Variants in DACH1 observed in about 807,000 individuals in gnomAD.
DACH1 encodes the protein dachshund homolog 1.
A neutral mutation model predicts 54.2 loss-of-function variants in DACH1; 12 were observed. The observed-to-expected ratio is 0.22, with a 90% CI of 0.14 to 0.36. The LOEUF is 0.36. DACH1 is among the 10% of genes least tolerant of loss of function. The pLI is 1.00. For missense variants in DACH1, 805 were observed against 929.8 expected, an observed-to-expected ratio of 0.87 and a Z score of 1.75; for synonymous variants, 386 against 366.2, an observed-to-expected ratio of 1.05 and a Z score of -0.62.
At chr13:71,717,257 G>C (rs1883016206) in intron 1 of DACH1, among the ~76,000 whole-genome samples, 2 of 152,020 alleles carry the variant, frequency 1.3e-5, no homozygotes, top group South Asian at 4.1e-4. Context: ...AGAATATTAA[G>C]TCATCATTGC....
intron 6 of DACH1, among the ~76,000 whole-genome samples, chr13:71,556,618 T>C (rs1454695889): frequency 2.6e-5 from 4 of 152,136 alleles, no homozygotes; most frequent in African/African-American, 9.7e-5. Context: ...TGTTTCCTTA[T>C]TGGTCTGTAA....
chr13:71,866,521 TCCGCTGCCGCCGCCG>T lies in DACH1; in HGVS notation c.234_248del (p.Ser82_Gly86del). ...CGTTGCCGCTGCTGCCGCCGCCGCC[TCCGCTGCCGCCGCCG>T]CCGCCGCCGCCGCCGGTAGAGGTGA... On this transcript the variant is annotated inframe_deletion, in exon 1 of 11. Transcript: ENST00000613252. The T allele has an allele frequency of 9.3e-7, 1 of 1,076,490 alleles. No individual in the cohort carries two copies. Among genetic ancestry groups the T allele is most frequent in the South Asian group, 4.5e-5 (1 of 22,080 alleles). The allele number at this position is 1,076,490 out of a possible 1,614,324, so 66.7% of individuals were successfully genotyped here.
At chr13:71,695,518 G>C in intron 1 of DACH1, among the ~76,000 whole-genome samples, 1 of 152,206 alleles carries the variant, frequency 6.6e-6, no homozygotes. Context: ...CTTCAAGCGT[G>C]AGTATTATTT....
intron 1 of DACH1, among the ~76,000 whole-genome samples, chr13:71,781,681 G>T (rs1016915783): frequency 6.6e-6 from 1 of 151,830 alleles, no homozygotes; most frequent in Non-Finnish European, 1.5e-5. Context: ...CCTGGCCAAG[G>T]TCCAGATCTT....
chr13:71,509,368 A>T (rs1402848938), intron 6 of DACH1, among the ~76,000 whole-genome samples: 4 of 152,152 alleles, frequency 2.6e-5, no homozygotes, highest in Admixed American at 2.6e-4. Context: ...AACTCATAAC[A>T]ATATGAAGAA....
rs527403528 is a variant in DACH1 at position 71,695,230 on chromosome 13, C to G, written c.849-13320G>C. On this transcript the variant is annotated intron_variant, in intron 1 of 10. Coordinates refer to ENST00000613252, the MANE Select transcript of DACH1 (RefSeq NM_080759.6). ...GTCTTGGTCAAACTTCCCTTACAGTCCAGGACCTTAGATCTGATGACTCAC... is the reference window on the plus strand; with the variant it reads ...GTCTTGGTCAAACTTCCCTTACAGTGCAGGACCTTAGATCTGATGACTCAC... Among the ~76,000 whole-genome samples the G allele has an allele frequency of 1.1e-4, 17 of 152,216 alleles. No individual in the cohort carries two copies. The South Asian group carries it at 1.2e-3, about 11-fold the overall frequency.
intron 6 of DACH1, among the ~76,000 whole-genome samples, chr13:71,545,441 T>C (rs987932387): frequency 1.3e-5 from 2 of 152,018 alleles, no homozygotes; most frequent in Admixed American, 6.6e-5. Flanking sequence ...ATATACTTAT[T>C]TTCATGCTTC....
At chr13:71,556,927 T>A (rs1414302980) in intron 6 of DACH1, 97 bp downstream of exon 6, 1 of 1,255,224 alleles carries the variant, frequency 8.0e-7, no homozygotes. Context: ...ATGCTTTTTT[T>A]TTACATGATG....
chr13:71,510,916 T>A (rs1593810996), intron 6 of DACH1, among the ~76,000 whole-genome samples: 1 of 152,016 alleles, frequency 6.6e-6, no homozygotes, highest in East Asian at 1.9e-4. Context: ...AGAATTATTA[T>A]CTCCTTTTCA....
chr13:71,760,629 G>A (rs1238687922), intron 1 of DACH1, among the ~76,000 whole-genome samples: 1 of 152,184 alleles, frequency 6.6e-6, no homozygotes. Flanking sequence ...AAAGGACACA[G>A]CCTTGTCTAC....
chr13:71,618,628 GT>G (rs200023662), intron 3 of DACH1, among the ~76,000 whole-genome samples: 39 of 150,666 alleles, frequency 2.6e-4, no homozygotes, highest in African/African-American at 7.0e-4. Context: ...CAGAATTAGG[GT>G]TTTTTTTTAA....
At chr13:71,791,426 G>A (rs973056168) in intron 1 of DACH1, among the ~76,000 whole-genome samples, 1 of 152,112 alleles carries the variant, frequency 6.6e-6, no homozygotes, top group Non-Finnish European at 1.5e-5. Flanking sequence ...CAAGTGGCAG[G>A]CGGGAGTGCA....
intron 1 of DACH1, among the ~76,000 whole-genome samples, chr13:71,763,194 A>G (rs1885476671): frequency 6.6e-6 from 1 of 152,202 alleles, no homozygotes; most frequent in Non-Finnish European, 1.5e-5. Flanking sequence ...TAAGTATTAT[A>G]TGTTTATATT....
chr13:71,506,286 C>T (rs1317724206), intron 6 of DACH1, among the ~76,000 whole-genome samples: 2 of 117,298 alleles, frequency 1.7e-5, no homozygotes, highest in African/African-American at 6.4e-5. Context: ...TCCCTCCCCC[C>T]TCCCCCCGCC....
chr13:71,661,055 G>T (rs1038892603), intron 2 of DACH1, among the ~76,000 whole-genome samples: 1 of 149,558 alleles, frequency 6.7e-6, no homozygotes, highest in Non-Finnish European at 1.5e-5. Flanking sequence ...CTAGACAGGG[G>T]AAAAGCAAAA....
intron 10 of DACH1, among the ~76,000 whole-genome samples, chr13:71,461,154 A>G (rs1205253954): frequency 6.6e-6 from 1 of 152,108 alleles, no homozygotes; most frequent in Admixed American, 6.6e-5. Flanking sequence ...TAGAATTTAC[A>G]TAATAAAAAT....
At position 71,671,294 on chromosome 13, in the gene DACH1, A is replaced by G. The variant is rs2138676527; in HGVS notation, c.964+10501T>C. On this transcript the variant is annotated intron_variant, in intron 2 of 10. Transcript: ENST00000613252. Reference sequence around the variant, plus strand: ...ATATGTAAAAATCTCTTTCAATTGGAAAAAAAAAAGTATCCGTTAGCTTTA... The same window carrying G: ...ATATGTAAAAATCTCTTTCAATTGGGAAAAAAAAAGTATCCGTTAGCTTTA... Among the ~76,000 whole-genome samples the G allele has an allele frequency of 2.0e-5, 3 of 149,756 alleles. No individual in the cohort carries two copies. The South Asian group carries it at 6.3e-4, about 32-fold the overall frequency.
intron 1 of DACH1, among the ~76,000 whole-genome samples, chr13:71,730,797 G>A (rs1257258528): frequency 6.6e-6 from 1 of 151,496 alleles, no homozygotes; most frequent in Admixed American, 6.6e-5. Flanking sequence ...ATTTTTATTA[G>A]TTATAATTGT....
At chr13:71,626,401 A>T (rs1876647963) in intron 3 of DACH1, among the ~76,000 whole-genome samples, 1 of 151,952 alleles carries the variant, frequency 6.6e-6, no homozygotes, top group South Asian at 2.1e-4. Flanking sequence ...ACATAGCTAT[A>T]GACACTATCA....
Sources: allele counts gnomAD v4.1 joint callset (sites outside exome capture counted in the v4.1 genomes callset), GRCh38; gene constraint gnomAD v4.1.1; transcripts MANE v1.5; gene names NCBI Gene and HGNC (gene_info 2026-07-23, HGNC 2026-07-21).